Variants in ZNF26 observed in about 807,000 individuals in gnomAD.
The protein encoded by ZNF26 is zinc finger protein 26.
ZNF26 carries 32 observed loss-of-function variants against 54.9 expected under a neutral mutation model. The observed-to-expected ratio is 0.58, with a 90% CI of 0.44 to 0.78. The LOEUF is 0.78. ZNF26 is among the 30% of genes least tolerant of loss of function. The probability of loss-of-function intolerance (pLI) is 0.00; values close to 1 mark genes in which losing one functional copy is unlikely to be tolerated. For synonymous variants in ZNF26, 221 were observed against 209.2 expected (o/e 1.06, Z -0.49); for missense variants, 524 against 634.0 (o/e 0.83, Z 1.86).
chr12:133,017,862 A>T lies in ZNF26; in HGVS notation c.*6381A>T, dbSNP rs935256920. On this transcript the variant is annotated 3_prime_UTR_variant, in exon 4 of 4. Transcript: ENST00000328654. ...ATCTCTATTAAAAACACAAAAAATT[A>T]GCGGGGCGTGGTGGCGGGCGCCTGT... The T allele has an allele frequency of 1.3e-5, 2 of 152,118 alleles. No individual in the cohort carries two copies. The highest frequency in any genetic ancestry group is 3.9e-4 in the East Asian group (2 of 5,188). The allele number at this position is 152,118 out of a possible 1,614,324, so 9.4% of individuals were successfully genotyped here.
chr12:133,006,192 C>T, intron 1 of ZNF26: 1 of 985,152 alleles, frequency 1.0e-6, no homozygotes, highest in Non-Finnish European at 1.2e-6. Flanking sequence ...CTGGGTTGCC[C>T]TGGAAGTGGA....
At chr12:133,007,899 C>T (rs1028747104) in intron 3 of ZNF26, among the ~76,000 whole-genome samples, 109 of 152,220 alleles carry the variant, frequency 7.2e-4, no homozygotes, top group Middle Eastern at 3.4e-3. Flanking sequence ...ATTTCCATTT[C>T]TTTTATTTCC....
At position 133,009,721 on chromosome 12, in the gene ZNF26, CAG is replaced by C. The variant is rs1953428094; in HGVS notation, c.257-414_257-413del. On this transcript the variant is annotated intron_variant, in intron 3 of 3. Transcript: ENST00000328654. ...CCTTTTTCTATTTCTTAAACCCTGT[CAG>C]TCAGGCTTCTTCCTCAGGAACTTTG... is the stretch of plus-strand genomic sequence containing the variant. Among the ~76,000 whole-genome samples the C allele has an allele frequency of 6.4e-3, 968 of 152,182 alleles. 8 individuals carry two copies. The highest frequency in any genetic ancestry group is 0.022 in the African/African-American group (930 of 41,512).
At chr12:132,991,165 A>G (rs1374483005) in intron 1 of ZNF26, among the ~76,000 whole-genome samples, 1 of 151,196 alleles carries the variant, frequency 6.6e-6, no homozygotes, top group Non-Finnish European at 1.5e-5. Flanking sequence ...AGCCTCCATT[A>G]CTATTTTGAA....
intron 1 of ZNF26, among the ~76,000 whole-genome samples, chr12:132,990,741 C>G (rs1397102837): frequency 1.3e-5 from 2 of 152,108 alleles, no homozygotes; most frequent in Admixed American, 6.6e-5. Context: ...ATTAGAGTGT[C>G]TGTTTCTTTT....
Position 133,011,556 on chromosome 12 carries a change from G to A in ZNF26, c.*75G>A. 7.0e-7 allele frequency: 1 copy of A among 1,427,370 alleles called. No homozygotes were observed. Among genetic ancestry groups the A allele is most frequent in the Non-Finnish European group, 9.2e-7 (1 of 1,082,784 alleles). The allele number at this position is 1,427,370 out of a possible 1,614,324, so 88.4% of individuals were successfully genotyped here. A position where few individuals can be genotyped will look rare whatever the true frequency, so the allele number is the denominator to read the frequency against. ...TAATATAGACAGGATTTACAAGCAG[G>A]AGGCCCTAAAATTACACTCATGTCA... On this transcript the variant is annotated 3_prime_UTR_variant, in exon 4 of 4. Transcript: ENST00000328654.
chr12:133,020,965 C>G lies in ZNF26; in HGVS notation c.*9484C>G, dbSNP rs1288340866. ...TAACATTGTTAACTCTGTACAGACCCTCTCTCCAAATAAGGCCTCACTCTG... is the reference window on the plus strand; with the variant it reads ...TAACATTGTTAACTCTGTACAGACCGTCTCTCCAAATAAGGCCTCACTCTG... On this transcript the variant is annotated 3_prime_UTR_variant, in exon 4 of 4. Coordinates refer to ENST00000328654, the MANE Select transcript of ZNF26 (RefSeq NM_019591.4). 1 of 152,124 alleles carries G rather than the reference C, an allele frequency of 6.6e-6. No individual in the cohort carries two copies. Among genetic ancestry groups the G allele is most frequent in the Non-Finnish European group, 1.5e-5 (1 of 68,040 alleles). 9.4% of individuals were successfully genotyped at this position (152,124 alleles called of 1,614,324 possible).
chr12:133,000,540 T>G (rs1392933881), intron 1 of ZNF26, among the ~76,000 whole-genome samples: 1 of 150,000 alleles, frequency 6.7e-6, no homozygotes, highest in East Asian at 2.0e-4. Context: ...TTCTCCTGCC[T>G]CAGCCTCCCG....
intron 1 of ZNF26, among the ~76,000 whole-genome samples, chr12:132,990,014 A>G (rs1952912981): frequency 6.6e-6 from 1 of 152,016 alleles, no homozygotes; most frequent in African/African-American, 2.4e-5. Flanking sequence ...TTTCTGGGCC[A>G]GATGTGGCTC....
In ZNF26 at chr12:133,019,467, A is replaced by G. The variant is rs2137279046; in HGVS notation, c.*7986A>G. On this transcript the variant is annotated 3_prime_UTR_variant, in exon 4 of 4. Coordinates refer to ENST00000328654, the MANE Select transcript of ZNF26 (RefSeq NM_019591.4). ...AAATGTCTAACAGGTATATGAAAAA[A>G]TGCTCAATATCACCACTTATCAGAG... The G allele has an allele frequency of 6.6e-6, 1 of 152,246 alleles. No homozygotes were observed. Among genetic ancestry groups the G allele is most frequent in the East Asian group, 1.9e-4 (1 of 5,198 alleles). 9.4% of individuals were successfully genotyped at this position (152,246 alleles called of 1,614,324 possible).
rs1413643589 is a variant in ZNF26 at position 133,021,174 on chromosome 12, A to G, written c.*9693A>G. The G allele has an allele frequency of 3.5e-5, 5 of 141,336 alleles. No individual in the cohort carries two copies. Among genetic ancestry groups the G allele is most frequent in the African/African-American group, 8.0e-5 (3 of 37,420 alleles). 8.8% of individuals were successfully genotyped at this position (141,336 alleles called of 1,614,324 possible). ...CACTCTGTCACCAAGGTTGAAGTGC[A>G]GTGGCACCGTGTCGGCTCACTGCAA... On this transcript the variant is annotated 3_prime_UTR_variant, in exon 4 of 4. Transcript: ENST00000328654.
At chr12:132,998,503 T>C (rs927476284) in intron 1 of ZNF26, among the ~76,000 whole-genome samples, 2 of 152,182 alleles carry the variant, frequency 1.3e-5, no homozygotes, top group African/African-American at 4.8e-5. Context: ...ATTCGACTTT[T>C]TAAAAGCTTA....
rs1953473974 is a variant in ZNF26 at position 133,011,574 on chromosome 12, T to A, written c.*93T>A. On this transcript the variant is annotated 3_prime_UTR_variant, in exon 4 of 4. Transcript: ENST00000328654. Reference sequence around the variant, plus strand: ...CAAGCAGGAGGCCCTAAAATTACACTCATGTCAAAAATCAGAGAGGAGAGA... The same window carrying A: ...CAAGCAGGAGGCCCTAAAATTACACACATGTCAAAAATCAGAGAGGAGAGA... 2 of 1,328,186 alleles carry A rather than the reference T, an allele frequency of 1.5e-6. No homozygotes were observed. Among genetic ancestry groups the A allele is most frequent in the Non-Finnish European group, 2.0e-6 (2 of 1,002,370 alleles). The allele number at this position is 1,328,186 out of a possible 1,614,324, so 82.3% of individuals were successfully genotyped here. A position where few individuals can be genotyped will look rare whatever the true frequency, so the allele number is the denominator to read the frequency against.
At chr12:132,991,932 G>T (rs1952972043) in intron 1 of ZNF26, among the ~76,000 whole-genome samples, 1 of 152,138 alleles carries the variant, frequency 6.6e-6, no homozygotes, top group Non-Finnish European at 1.5e-5. Flanking sequence ...CGGGTCATTT[G>T]AGGTCAGGAG....
chr12:133,003,545 C>T (rs1171236243), intron 1 of ZNF26, among the ~76,000 whole-genome samples: 1 of 152,146 alleles, frequency 6.6e-6, no homozygotes, highest in Non-Finnish European at 1.5e-5. Context: ...GAGCCACCGC[C>T]CCTGGCCTCC....
chr12:132,991,448 A>G (rs890796798), intron 1 of ZNF26, among the ~76,000 whole-genome samples: 32 of 151,784 alleles, frequency 2.1e-4, no homozygotes, highest in Non-Finnish European at 4.1e-4. Flanking sequence ...CAGTAAGCCA[A>G]GATCGTGCCA....
intron 1 of ZNF26, chr12:133,004,442 C>T (rs1256995525): frequency 3.3e-5 from 5 of 152,190 alleles, no homozygotes; most frequent in African/African-American, 1.2e-4. Flanking sequence ...TTGTATCCAG[C>T]TTCCCACCAA....
intron 3 of ZNF26, among the ~76,000 whole-genome samples, chr12:133,009,423 C>T (rs994801681): frequency 1.3e-5 from 2 of 152,072 alleles, no homozygotes; most frequent in African/African-American, 4.8e-5. Flanking sequence ...GAAACCCCAT[C>T]TCTACTAAAA....
Position 133,014,868 on chromosome 12 carries a change from G to C in ZNF26, c.*3387G>C, listed in dbSNP as rs1484759724. On this transcript the variant is annotated 3_prime_UTR_variant, in exon 4 of 4. Coordinates refer to ENST00000328654, the MANE Select transcript of ZNF26 (RefSeq NM_019591.4). ...ACCATGATGATGGTTTTAAAAGTTA[G>C]CTGTAGCAGCTAAGGCAAGACCAGA... The C allele has an allele frequency of 6.6e-6, 1 of 151,880 alleles. No individual in the cohort carries two copies. Among genetic ancestry groups the C allele is most frequent in the Non-Finnish European group, 1.5e-5 (1 of 67,986 alleles). 9.4% of individuals were successfully genotyped at this position (151,880 alleles called of 1,614,324 possible).
Sources: gnomAD v4.1 joint callset for allele counts (sites outside exome capture counted in the v4.1 genomes callset) on GRCh38, gnomAD v4.1.1 for gene constraint, MANE v1.5 for transcripts, NCBI Gene and HGNC (gene_info 2026-07-23, HGNC 2026-07-21) for gene names.